OR51E2: variants seen among roughly 807,000 people sequenced by gnomAD.
OR51E2 encodes olfactory receptor 51E2.
OR51E2 carries 14 observed loss-of-function variants against 13.7 expected under a neutral mutation model. The observed-to-expected ratio is 1.02, with a 90% CI of 0.68 to 1.60. OR51E2 has a LOEUF of 1.60. OR51E2 is among the 40% of genes most tolerant of loss of function. OR51E2 has a pLI of 0.00. For missense variants in OR51E2, 483 were observed against 413.8 expected (o/e 1.17, Z -1.45); for synonymous variants, 180 against 157.6 (o/e 1.14, Z -1.07).
chr11:4,682,840 C>A (rs961666009), intron 1 of OR51E2, 79 bp from the exon 2 acceptor site: 3 of 1,003,550 alleles, frequency 3.0e-6, no homozygotes, highest in African/African-American at 1.6e-5. Context: ...CTTCTCCCAC[C>A]CCCACTTAGG....
At chr11:4,689,135 AG>A (rs1259773992) in intron 1 of OR51E2, among the ~76,000 whole-genome samples, 1 of 152,232 alleles carries the variant, frequency 6.6e-6, no homozygotes, top group Non-Finnish European at 1.5e-5. Context: ...CAAAGCAAAA[AG>A]GTCTGAGAAC....
intron 1 of OR51E2, among the ~76,000 whole-genome samples, chr11:4,696,562 A>C (rs1847658932): frequency 6.6e-6 from 1 of 152,132 alleles, no homozygotes; most frequent in Non-Finnish European, 1.5e-5. Context: ...AAAAATCTTA[A>C]GTGTTTATAT....
At chr11:4,687,482 T>C (rs1490222421) in intron 1 of OR51E2, among the ~76,000 whole-genome samples, 1 of 152,210 alleles carries the variant, frequency 6.6e-6, no homozygotes, top group Non-Finnish European at 1.5e-5. Context: ...CTTGGCACAG[T>C]ATTCTCCAAA....
intron 1 of OR51E2, chr11:4,690,922 A>C (rs1374401231): frequency 2.2e-6 from 1 of 455,876 alleles, no homozygotes; most frequent in Non-Finnish European, 4.4e-6. Context: ...TGAACAATGG[A>C]CAGACTGATC....
Position 4,689,504 on chromosome 11 carries a change from C to T in OR51E2, c.-50-6743G>A, listed in dbSNP as rs113082500. On this transcript the variant is annotated intron_variant, in intron 1 of 1. Coordinates refer to ENST00000396950, the MANE Select transcript of OR51E2 (RefSeq NM_030774.4). ...AAGCGAGGGGGCAAGCCTGTAGATA[C>T]GAATGATTACTTCTACTTCCTTTCT... Among the ~76,000 whole-genome samples the T allele has an allele frequency of 8.9e-4, 135 of 152,234 alleles. 1 individual carries two copies. Among genetic ancestry groups the T allele is most frequent in the African/African-American group, 2.9e-3 (122 of 41,556 alleles).
chr11:4,687,958 T>G (rs1227970095), intron 1 of OR51E2, among the ~76,000 whole-genome samples: 1 of 152,140 alleles, frequency 6.6e-6, no homozygotes, highest in Non-Finnish European at 1.5e-5. Context: ...ATGCAGGTTG[T>G]TTGTTGTCTC....
Position 4,681,718 on chromosome 11 carries a change from A to G in OR51E2, c.*31T>C. ...AGAAATAATTATGTTTATCAAGCCA[A>G]TAAAGATAAGGAGAAGTGTAGTGTT... On this transcript the variant is annotated 3_prime_UTR_variant, in exon 2 of 2. Coordinates refer to ENST00000396950, the MANE Select transcript of OR51E2 (RefSeq NM_030774.4). 6.2e-7 allele frequency: 1 copy of G among 1,606,160 alleles called. No individual in the cohort carries two copies. The highest frequency in any genetic ancestry group is 1.3e-5 in the African/African-American group (1 of 74,874).
At chr11:4,696,200 T>A (rs1171493596) in intron 1 of OR51E2, among the ~76,000 whole-genome samples, 1 of 152,158 alleles carries the variant, frequency 6.6e-6, no homozygotes, top group Non-Finnish European at 1.5e-5. Context: ...CTGAGGGACA[T>A]CTCTACCCAT....
chr11:4,693,429 A>G (rs1383279912), intron 1 of OR51E2, among the ~76,000 whole-genome samples: 4 of 152,204 alleles, frequency 2.6e-5, no homozygotes, highest in Non-Finnish European at 4.4e-5. Flanking sequence ...CATGTGTAAA[A>G]GTGTTGAGCA....
intron 1 of OR51E2, among the ~76,000 whole-genome samples, chr11:4,696,687 C>T (rs182723721): frequency 3.9e-5 from 6 of 152,152 alleles, no homozygotes; most frequent in African/African-American, 9.7e-5. Context: ...CTCTCCAATC[C>T]ATATATACTT....
intron 1 of OR51E2, chr11:4,692,069 A>C (rs1454623925): frequency 2.6e-6 from 1 of 386,762 alleles, no homozygotes; most frequent in Non-Finnish European, 5.1e-6. Context: ...GGCATGTTTA[A>C]ATTGTGCTAA....
At chr11:4,689,101 G>A (rs567835821) in intron 1 of OR51E2, among the ~76,000 whole-genome samples, 4 of 152,268 alleles carry the variant, frequency 2.6e-5, no homozygotes, top group Non-Finnish European at 4.4e-5. Flanking sequence ...ATACTGGATG[G>A]GATGACCAAG....
intron 1 of OR51E2, chr11:4,690,884 A>G (rs1432233547): frequency 4.4e-6 from 2 of 456,664 alleles, no homozygotes; most frequent in South Asian, 1.5e-5. Context: ...TAGTATGTAC[A>G]TAGGCTGGGG....
In OR51E2 at chr11:4,682,401, T is replaced by A; in HGVS notation, c.311A>T (p.His104Leu). Residue 104 changes from histidine to leucine, a missense_variant, in exon 2 of 2, where the codon CAT (histidine) becomes CTT (leucine). Coordinates refer to ENST00000396950, the MANE Select transcript of OR51E2 (RefSeq NM_030774.4). ...EACLTQMFFI[H>L]ALSAIESTIL... is the part of the protein sequence containing the mutation. ...GGTGGATTCAATGGCTGAGAGGGCATGAATAAAGAACATCTGGGTAAGACA... is the reference window on the plus strand; with the variant it reads ...GGTGGATTCAATGGCTGAGAGGGCAAGAATAAAGAACATCTGGGTAAGACA... 6.2e-7 allele frequency: 1 copy of A among 1,614,052 alleles called. No homozygotes were observed. Among genetic ancestry groups the A allele is most frequent in the Non-Finnish European group, 8.5e-7 (1 of 1,179,998 alleles).
Position 4,682,720 on chromosome 11 carries a change from C to G in OR51E2, c.-9G>C. 1 of 1,610,168 alleles carries G rather than the reference C, an allele frequency of 6.2e-7. No individual in the cohort carries two copies. On this transcript the variant is annotated 5_prime_UTR_variant, in exon 2 of 2. Coordinates refer to ENST00000396950, the MANE Select transcript of OR51E2 (RefSeq NM_030774.4). ...AAGTTGCAGGAACTCATAGCTGGAA[C>G]TGAGGAGGGGTGACTGGAGAGGGTG...
chr11:4,690,716 T>C, intron 1 of OR51E2: 1 of 349,190 alleles, frequency 2.9e-6, no homozygotes, highest in South Asian at 2.3e-5. Context: ...ACCTGAAGTA[T>C]ACCATCTTGA....
At chr11:4,694,604 G>T (rs1290536760) in intron 1 of OR51E2, among the ~76,000 whole-genome samples, 3 of 143,332 alleles carry the variant, frequency 2.1e-5, no homozygotes, top group Non-Finnish European at 4.6e-5. Flanking sequence ...ACACACATAT[G>T]CAGGGAGCTG....
At chr11:4,697,486 C>T (rs545020094) in intron 1 of OR51E2, among the ~76,000 whole-genome samples, 167 bp downstream of exon 1, 24 of 152,322 alleles carry the variant, frequency 1.6e-4, no homozygotes, top group African/African-American at 4.1e-4. Context: ...CCATTCTCTA[C>T]GTATTTCCTG....
chr11:4,688,437 G>C (rs1215272354), intron 1 of OR51E2, among the ~76,000 whole-genome samples: 2 of 152,210 alleles, frequency 1.3e-5, no homozygotes, highest in Non-Finnish European at 2.9e-5. Context: ...TTGGAAGCTA[G>C]TGTGGGTGAC....
Sources: gnomAD v4.1 joint callset for allele counts (sites outside exome capture counted in the v4.1 genomes callset) on GRCh38, gnomAD v4.1.1 for gene constraint, MANE v1.5 for transcripts, NCBI Gene and HGNC (gene_info 2026-07-23, HGNC 2026-07-21) for gene names.